The following IKZF1 variants were observed in gnomAD, a reference collection of about 807,000 sequenced individuals.
IKZF1 encodes DNA-binding protein Ikaros.
IKZF1 carries 10 observed loss-of-function variants against 51.7 expected under a neutral mutation model. That is an observed-to-expected ratio of 0.19 (90% CI 0.12 to 0.33). The LOEUF (loss-of-function observed/expected upper bound fraction) is 0.33, where lower values mean the gene tolerates loss of function less well. IKZF1 is among the 10% of genes least tolerant of loss of function. The pLI, the probability that IKZF1 is intolerant of heterozygous loss-of-function variation, is 1.00. For missense variants in IKZF1, 484 were observed against 707.5 expected (o/e 0.68, Z 3.58); for synonymous variants, 280 against 282.3 (o/e 0.99, Z 0.08).
In IKZF1 at chr7:50,402,261, CAG is replaced by C; in HGVS notation, c.*1639_*1640del. The C allele has an allele frequency of 4.3e-6, 1 of 230,908 alleles. No homozygotes were observed. The allele number at this position is 230,908 out of a possible 1,614,324, so 14.3% of individuals were successfully genotyped here. A position where few individuals can be genotyped will look rare whatever the true frequency, so the allele number is the denominator to read the frequency against. On this transcript the variant is annotated 3_prime_UTR_variant, in exon 8 of 8. Transcript: ENST00000331340. ...ACTGTCCCAAGGTGAAATGAAGCAA[CAG>C]AGAGGAAATTGTACATAAGTACCTC... is the stretch of plus-strand genomic sequence containing the variant.
intron 6 of IKZF1, chr7:50,388,614 T>C (rs1363301889): frequency 6.6e-6 from 1 of 152,244 alleles, no homozygotes. Flanking sequence ...AATTGTCATT[T>C]GGCTTCTTTC....
At chr7:50,395,403 C>T (rs573289873) in intron 7 of IKZF1, among the ~76,000 whole-genome samples, 16 of 152,238 alleles carry the variant, frequency 1.1e-4, no homozygotes, top group African/African-American at 3.6e-4. Context: ...AAAGGATCCT[C>T]TAAGATTAAA....
At chr7:50,386,725 C>A (rs1389527063) in intron 5 of IKZF1, among the ~76,000 whole-genome samples, 1 of 151,728 alleles carries the variant, frequency 6.6e-6, no homozygotes, top group Non-Finnish European at 1.5e-5. Flanking sequence ...CATGGAAATA[C>A]AAAATATTTT....
At chr7:50,343,447 C>T (rs1228822017) in intron 3 of IKZF1, among the ~76,000 whole-genome samples, 2 of 152,076 alleles carry the variant, frequency 1.3e-5, no homozygotes, top group Admixed American at 1.3e-4. Context: ...GCACACCATC[C>T]TGTGTGATAG....
chr7:50,351,736 C>T (rs905989121), intron 3 of IKZF1, among the ~76,000 whole-genome samples: 2 of 152,170 alleles, frequency 1.3e-5, no homozygotes, highest in Non-Finnish European at 2.9e-5. Context: ...TTACCTTAAT[C>T]CAGCATTTAG....
intron 3 of IKZF1, among the ~76,000 whole-genome samples, chr7:50,345,857 G>C (rs1318592932): frequency 6.6e-6 from 1 of 152,160 alleles, no homozygotes; most frequent in Non-Finnish European, 1.5e-5. Flanking sequence ...GGACCACAAG[G>C]TGAAACCTCA....
chr7:50,373,245 A>G (rs1349362566), intron 3 of IKZF1, among the ~76,000 whole-genome samples: 3 of 152,168 alleles, frequency 2.0e-5, no homozygotes, highest in Non-Finnish European at 2.9e-5. Flanking sequence ...GTCGTGTCCA[A>G]TGCTTCCCTG....
chr7:50,380,291 A>G (rs1811489347), intron 4 of IKZF1, among the ~76,000 whole-genome samples: 1 of 152,232 alleles, frequency 6.6e-6, no homozygotes, highest in African/African-American at 2.4e-5. Flanking sequence ...GTTTGCAGGC[A>G]GGTATTAAGA....
intron 5 of IKZF1, among the ~76,000 whole-genome samples, chr7:50,383,887 G>C (rs1812584711): frequency 6.6e-6 from 1 of 152,242 alleles, no homozygotes; most frequent in African/African-American, 2.4e-5. Flanking sequence ...TGTATTTGAT[G>C]GTTGAGGGTT....
chr7:50,360,336 A>G (rs6592967), intron 3 of IKZF1, among the ~76,000 whole-genome samples: 114,749 of 151,884 alleles, frequency 0.76, 44,242 homozygotes, highest in African/African-American at 0.91. Flanking sequence ...CACAGCCTCC[A>G]GAGTTCTCTT....
intron 3 of IKZF1, among the ~76,000 whole-genome samples, chr7:50,333,670 G>A (rs1796913900): frequency 6.6e-6 from 1 of 152,152 alleles, no homozygotes; most frequent in Non-Finnish European, 1.5e-5. Context: ...TCAAGTGGCT[G>A]GAGTACTGGT....
At position 50,400,611 on chromosome 7, in the gene IKZF1, G is replaced by C; in HGVS notation, c.1544G>C (p.Arg515Pro). The change falls in exon 8 of 8, where the codon CGC becomes CCC. Residue 515 changes from arginine to proline, a missense_variant. By Grantham distance (103) the Arg-to-Pro change is moderately radical (BLOSUM62 -2). This residue lies in a region of IKZF1 where 42 missense variants were observed against 84.4 expected (regional missense o/e 0.50). Coordinates refer to ENST00000331340, the MANE Select transcript of IKZF1 (RefSeq NM_006060.6). This position sits in a 1 kb window ranked among gnomAD's most constrained non-coding sequence, Gnocchi z 5.4. ...TCGCACATAACGCGAGGGGAGCACC[G>C]CTTCCACATGAGCTAAAGCCCTCCC... ...FSSHITRGEH[R>P]FHMS The C allele has an allele frequency of 6.2e-7, 1 of 1,610,020 alleles. No homozygotes were observed.
intron 3 of IKZF1, among the ~76,000 whole-genome samples, chr7:50,358,170 G>C (rs1451018362): frequency 2.0e-5 from 3 of 152,094 alleles, no homozygotes; most frequent in Non-Finnish European, 4.4e-5. Context: ...CCTGGTAAAT[G>C]GTTGTTGAAT....
At chr7:50,375,123 A>G (rs541205427) in intron 3 of IKZF1, among the ~76,000 whole-genome samples, 1 of 152,294 alleles carries the variant, frequency 6.6e-6, no homozygotes, top group African/African-American at 2.4e-5. Flanking sequence ...AATGTTGATC[A>G]AAAATTATGT....
At chr7:50,396,807 C>G (rs560573569) in intron 7 of IKZF1, among the ~76,000 whole-genome samples, 1 of 152,312 alleles carries the variant, frequency 6.6e-6, no homozygotes, top group South Asian at 2.1e-4. Context: ...CCTTTGCTCT[C>G]TCTCCCTCAT....
chr7:50,383,817 C>T (rs895054803), intron 5 of IKZF1, among the ~76,000 whole-genome samples: 1 of 152,228 alleles, frequency 6.6e-6, no homozygotes, highest in Non-Finnish European at 1.5e-5. Flanking sequence ...GGGAGGCAGA[C>T]GTGTGTTCTT....
chr7:50,306,539 C>G (rs1002736469), intron 1 of IKZF1, among the ~76,000 whole-genome samples: 1 of 152,222 alleles, frequency 6.6e-6, no homozygotes, highest in Non-Finnish European at 1.5e-5. Context: ...ATCACCCACC[C>G]TCAGGGTCTC....
intron 3 of IKZF1, among the ~76,000 whole-genome samples, chr7:50,372,041 T>G (rs965770459): frequency 2.0e-5 from 3 of 152,236 alleles, no homozygotes; most frequent in Non-Finnish European, 4.4e-5. Flanking sequence ...TTATGACTAA[T>G]AGATTTCAGA....
intron 7 of IKZF1, chr7:50,394,200 C>CA (rs1816031993): frequency 4.3e-6 from 1 of 232,912 alleles, no homozygotes; most frequent in African/African-American, 2.2e-5. Flanking sequence ...GCAAAAGACT[C>CA]ACAAGCAGCT....
Sources: gnomAD v4.1 joint callset for allele counts (sites outside exome capture counted in the v4.1 genomes callset) on GRCh38, gnomAD v4.1.1 for gene constraint, gnomAD v4.1.1 regional missense constraint, Gnocchi (gnomAD v3.1) non-coding constraint, MANE v1.5 for transcripts, NCBI Gene and HGNC (gene_info 2026-07-23, HGNC 2026-07-21) for gene names.